The following ATP8B1 variants were observed in gnomAD, a reference collection of about 807,000 sequenced individuals.
ATP8B1 encodes the protein ATPase phospholipid transporting 8B1.
Under a neutral mutation model 149.9 loss-of-function variants are expected in ATP8B1, and 80 were observed. The observed-to-expected ratio is 0.53, with a 90% CI of 0.45 to 0.64. The LOEUF (loss-of-function observed/expected upper bound fraction) is 0.64. Ranked by LOEUF, ATP8B1 falls within the 30% of genes least tolerant of loss-of-function variation. ATP8B1 has a pLI of 0.00. For synonymous variants in ATP8B1, 536 were observed against 562.8 expected (o/e 0.95, Z 0.67); for missense variants, 1,247 against 1,552.6 (o/e 0.80, Z 3.31).
intron 19 of ATP8B1, 132 bp from the exon 20 acceptor site, chr18:57,667,299 C>T: frequency 1.4e-6 from 1 of 706,906 alleles, no homozygotes; most frequent in Non-Finnish European, 2.4e-6. Flanking sequence ...CTCACTACAG[C>T]CTCAACCTCC....
chr18:57,801,211 T>G (rs1293536034), intron 1 of ATP8B1, among the ~76,000 whole-genome samples: 1 of 151,668 alleles, frequency 6.6e-6, no homozygotes, highest in East Asian at 1.9e-4. Context: ...ACCAAAAGAG[T>G]CTTGCTCGGC....
Position 57,731,798 on chromosome 18 carries a change from C to G in ATP8B1, c.10G>C (p.Glu4Gln), listed in dbSNP as rs2079768675. 2 of 1,614,030 alleles carry G rather than the reference C, an allele frequency of 1.2e-6. No individual in the cohort carries two copies. Among genetic ancestry groups the G allele is most frequent in the African/African-American group, 1.3e-5 (1 of 74,996 alleles). MST[E>Q]RDSETTFDED... ...TCAAATGTCGTTTCTGAGTCTCTTT[C>G]TGTACTCATTCTGCTGGCAAATTGG... is the stretch of plus-strand genomic sequence containing the variant. The change falls in exon 2 of 28, where the codon GAA becomes CAA. Residue 4 changes from glutamate to glutamine, a missense_variant. Transcript: ENST00000648908.
intron 26 of ATP8B1, 133 bp from the exon 27 acceptor site, chr18:57,650,630 C>T: frequency 2.7e-6 from 3 of 1,101,028 alleles, no homozygotes; most frequent in Non-Finnish European, 3.9e-6. Context: ...ATTGCCAGAG[C>T]TCAGGAGTTC....
At chr18:57,770,780 A>T (rs186342259) in intron 1 of ATP8B1, among the ~76,000 whole-genome samples, 1 of 152,242 alleles carries the variant, frequency 6.6e-6, no homozygotes, top group Non-Finnish European at 1.5e-5. Context: ...ACATGTCAAC[A>T]TGCCCCAATG....
intron 3 of ATP8B1, among the ~76,000 whole-genome samples, chr18:57,705,074 T>C (rs1457958752): frequency 6.6e-6 from 1 of 152,118 alleles, no homozygotes; most frequent in South Asian, 2.1e-4. Flanking sequence ...GACTCTGCCT[T>C]AAAAAAGAAA....
intron 11 of ATP8B1, among the ~76,000 whole-genome samples, chr18:57,693,857 C>CGGGAA (rs1912667209): frequency 6.6e-6 from 1 of 152,112 alleles, no homozygotes; most frequent in African/African-American, 2.4e-5. Flanking sequence ...ATGAGCTTCC[C>CGGGAA]TGGTATAGAC....
intron 6 of ATP8B1, among the ~76,000 whole-genome samples, chr18:57,699,094 A>T (rs1912980352): frequency 6.6e-6 from 1 of 152,206 alleles, no homozygotes; most frequent in Non-Finnish European, 1.5e-5. Flanking sequence ...TTTGAGCAGG[A>T]GGCTTCAGGC....
chr18:57,681,138 T>A (rs546833221), intron 15 of ATP8B1, among the ~76,000 whole-genome samples: 2 of 152,156 alleles, frequency 1.3e-5, no homozygotes, highest in Admixed American at 1.3e-4. Context: ...GGGGAGAGAC[T>A]TGGAGCAGCA....
intron 1 of ATP8B1, among the ~76,000 whole-genome samples, chr18:57,799,704 CAAAAAA>C (rs4059219): frequency 9.0e-6 from 1 of 111,014 alleles, no homozygotes. Context: ...GACTCTGTCT[CAAAAAA>C]AAAAAAAAAA....
rs775062406 is a variant in ATP8B1 at position 57,652,005 on chromosome 18, A to T, written c.3400+29T>A. The stretch of plus-strand genomic sequence containing the variant: ...CTAAACTAATGACATTTGTCTGTAC[A>T]TTTATTTTTGGAATTTGGAAATACC... On this transcript the variant is annotated intron_variant, in intron 26 of 27. Transcript: ENST00000648908. 4 of 1,601,422 alleles carry T rather than the reference A, an allele frequency of 2.5e-6. No homozygotes were observed. The African/African-American group carries it at 5.4e-5, about 21-fold the overall frequency.
intron 11 of ATP8B1, among the ~76,000 whole-genome samples, chr18:57,692,576 C>G (rs1912595610): frequency 6.6e-6 from 1 of 151,948 alleles, no homozygotes; most frequent in Non-Finnish European, 1.5e-5. Flanking sequence ...GCTGGGATTA[C>G]AGGCACGCGC....
intron 1 of ATP8B1, among the ~76,000 whole-genome samples, chr18:57,753,931 C>CAAAAAAAAAA (rs1218057370): frequency 4.2e-5 from 3 of 71,006 alleles, no homozygotes; most frequent in Admixed American, 1.8e-4. Context: ...GACTCTGTCT[C>CAAAAAAAAAA]AAAAAAAAAA....
At chr18:57,723,077 T>G (rs1599156282) in intron 2 of ATP8B1, among the ~76,000 whole-genome samples, 4 of 151,610 alleles carry the variant, frequency 2.6e-5, no homozygotes, top group Middle Eastern at 3.4e-3. Flanking sequence ...CTCAGTAAAT[T>G]AGGTATTGAT....
Position 57,802,850 on chromosome 18 carries a change from G to C in ATP8B1, c.-26+148C>G, listed in dbSNP as rs949692440. ...CTCCACCCAAATCCCACCTGTGCGG[G>C]CTCGGGAGTCCGAGGGCGCTGACAG... On this transcript the variant is annotated intron_variant, in intron 1 of 27. Coordinates refer to ENST00000648908, the MANE Select transcript of ATP8B1 (RefSeq NM_001374385.1). The surrounding 1 kb of genome is among the most constrained non-coding windows in gnomAD (Gnocchi z 4.9). The C allele has an allele frequency of 6.6e-6, 1 of 152,310 alleles. No homozygotes were observed. Among genetic ancestry groups the C allele is most frequent in the Admixed American group, 6.5e-5 (1 of 15,284 alleles). The allele number at this position is 152,310 out of a possible 1,614,324, so 9.4% of individuals were successfully genotyped here. A position where few individuals can be genotyped will look rare whatever the true frequency, so the allele number is the denominator to read the frequency against.
At chr18:57,787,039 T>C (rs2123437227) in intron 1 of ATP8B1, among the ~76,000 whole-genome samples, 1 of 152,314 alleles carries the variant, frequency 6.6e-6, no homozygotes, top group African/African-American at 2.4e-5. Context: ...CAGGATGTTA[T>C]GTTAGAAATA....
chr18:57,726,455 G>A (rs1253883991), intron 2 of ATP8B1, among the ~76,000 whole-genome samples: 2 of 152,208 alleles, frequency 1.3e-5, no homozygotes, highest in Non-Finnish European at 2.9e-5. Flanking sequence ...CATTTTAAAT[G>A]ATAGATTCTT....
At chr18:57,714,904 G>C (rs1192872250) in intron 2 of ATP8B1, among the ~76,000 whole-genome samples, 2 of 152,126 alleles carry the variant, frequency 1.3e-5, no homozygotes, top group Non-Finnish European at 2.9e-5. Flanking sequence ...ACATCCACAA[G>C]CATCAAGAAC....
At chr18:57,650,082 C>T (rs184550760) in intron 27 of ATP8B1, among the ~76,000 whole-genome samples, 128 of 152,240 alleles carry the variant, frequency 8.4e-4, no homozygotes, top group Non-Finnish European at 1.6e-3. Context: ...ATTTGTATGA[C>T]AAAATGTTAA....
chr18:57,773,247 A>C (rs1467811535), intron 1 of ATP8B1, among the ~76,000 whole-genome samples: 3 of 151,874 alleles, frequency 2.0e-5, no homozygotes, highest in Non-Finnish European at 4.4e-5. Context: ...ACCCTGACCA[A>C]GGACTCCAGG....
Sources: gnomAD v4.1 joint callset for allele counts (sites outside exome capture counted in the v4.1 genomes callset) on GRCh38, gnomAD v4.1.1 for gene constraint, Gnocchi (gnomAD v3.1) non-coding constraint, MANE v1.5 for transcripts, NCBI Gene and HGNC (gene_info 2026-07-23, HGNC 2026-07-21) for gene names.